Variants in TMC5 observed in about 807,000 individuals in gnomAD.
TMC5 encodes transmembrane channel-like protein 5.
In TMC5, 86 loss-of-function variants were observed where a neutral mutation model predicts 110.5. The ratio of observed to expected loss-of-function variants is 0.78; its 90% confidence interval spans 0.65 to 0.93. The LOEUF (loss-of-function observed/expected upper bound fraction) is 0.93. Ranked by LOEUF, TMC5 falls within the 40% of genes least tolerant of loss-of-function variation. The probability of loss-of-function intolerance (pLI) is 0.00; values close to 1 mark genes in which losing one functional copy is unlikely to be tolerated. For missense variants in TMC5, 1,144 were observed against 1,222.8 expected (o/e 0.94, Z 0.96); for synonymous variants, 455 against 439.5 (o/e 1.04, Z -0.44).
chr16:19,456,986 A>T, intron 5 of TMC5: 2 of 1,612,278 alleles, frequency 1.2e-6, no homozygotes, highest in Middle Eastern at 1.7e-4. Flanking sequence ...GGGCATAGAC[A>T]CTCCTGGTTC....
At chr16:19,461,459 A>C (rs1391193242) in intron 6 of TMC5, among the ~76,000 whole-genome samples, 1 of 152,130 alleles carries the variant, frequency 6.6e-6, no homozygotes, top group East Asian at 1.9e-4. Context: ...CTGTAATCCC[A>C]GCTACTGGGG....
intron 9 of TMC5, 63 bp downstream of exon 9, chr16:19,466,296 A>G: frequency 6.4e-7 from 1 of 1,570,860 alleles, no homozygotes; most frequent in African/African-American, 1.4e-5. Context: ...AAAATCCAAG[A>G]AATTCAAAAA....
chr16:19,425,935 C>T (rs1967080820), intron 1 of TMC5, among the ~76,000 whole-genome samples: 1 of 152,224 alleles, frequency 6.6e-6, no homozygotes, highest in South Asian at 2.1e-4. Context: ...AATCCACCCG[C>T]CTTGGCCTCC....
chr16:19,474,366 G>GT lies in TMC5; in HGVS notation c.2090+96dup, dbSNP rs375239520. The GT allele has an allele frequency of 2.8e-6, 4 of 1,438,502 alleles. No homozygotes were observed. In the African/African-American group the frequency reaches 4.3e-5, roughly 15 times the overall value. The allele number at this position is 1,438,502 out of a possible 1,614,324, so 89.1% of individuals were successfully genotyped here. On this transcript the variant is annotated intron_variant, in intron 12 of 21. Transcript: ENST00000542583. ...GAAAGGATTATGCTTTAGTATCAAA[G>GT]TTTTTTCTCCAGAGAGGAAGAATTT...
chr16:19,495,033 G>C (rs1190470547), intron 20 of TMC5, among the ~76,000 whole-genome samples: 32 of 3,440 alleles, frequency 9.3e-3, no homozygotes, highest in East Asian at 0.023. Flanking sequence ...TTTTTTTTTT[G>C]AGACGGAGTC....
chr16:19,494,164 T>A, intron 19 of TMC5, 98 bp from the exon 20 acceptor site: 1 of 954,106 alleles, frequency 1.0e-6, no homozygotes, highest in Non-Finnish European at 1.6e-6. Context: ...CCTAGCTGCC[T>A]GAAAACCGAC....
intron 5 of TMC5, chr16:19,457,075 C>A: frequency 7.0e-7 from 1 of 1,431,438 alleles, no homozygotes. Flanking sequence ...CCTCGTTGTC[C>A]ACAGCATATT....
intron 5 of TMC5, among the ~76,000 whole-genome samples, chr16:19,450,757 T>A (rs1967730278): frequency 6.6e-6 from 1 of 152,202 alleles, no homozygotes; most frequent in Non-Finnish European, 1.5e-5. Context: ...GGGACAAGAC[T>A]GGGTCACCTG....
intron 2 of TMC5, among the ~76,000 whole-genome samples, chr16:19,434,333 ATAAT>A (rs901509449): frequency 2.4e-5 from 3 of 124,546 alleles, no homozygotes; most frequent in African/African-American, 9.1e-5. Flanking sequence ...AGATCTATAT[ATAAT>A]ATATATTATA....
chr16:19,469,098 C>A (rs1968258856), intron 9 of TMC5, among the ~76,000 whole-genome samples: 2 of 152,154 alleles, frequency 1.3e-5, no homozygotes, highest in South Asian at 4.1e-4. Context: ...AGTTGGTGGT[C>A]ATTTGCTATA....
At chr16:19,434,005 A>G (rs1322428901) in intron 2 of TMC5, among the ~76,000 whole-genome samples, 1 of 83,606 alleles carries the variant, frequency 1.2e-5, no homozygotes, top group Non-Finnish European at 2.2e-5. Context: ...TATATATATT[A>G]TATATATAAT....
chr16:19,467,309 T>C (rs898022779), intron 9 of TMC5, among the ~76,000 whole-genome samples: 1 of 152,082 alleles, frequency 6.6e-6, no homozygotes, highest in African/African-American at 2.4e-5. Flanking sequence ...CAGGCTTGGT[T>C]TCCTCTGAGG....
intron 9 of TMC5, among the ~76,000 whole-genome samples, chr16:19,466,777 T>G (rs1429228867): frequency 6.6e-6 from 1 of 152,110 alleles, no homozygotes; most frequent in Non-Finnish European, 1.5e-5. Flanking sequence ...ATAATAAGGG[T>G]GCAGTTACCC....
intron 8 of TMC5, 83 bp from the exon 9 acceptor site, chr16:19,465,999 G>A: frequency 6.9e-7 from 1 of 1,450,974 alleles, no homozygotes; most frequent in Non-Finnish European, 9.4e-7. Context: ...CTTGTATTCA[G>A]GAGAGGTCAA....
At chr16:19,458,010 A>C (rs1044909226) in intron 5 of TMC5, among the ~76,000 whole-genome samples, 6 of 150,920 alleles carry the variant, frequency 4.0e-5, no homozygotes, top group Non-Finnish European at 7.4e-5. Flanking sequence ...TTACGGGTGT[A>C]AGCCACCACA....
intron 6 of TMC5, among the ~76,000 whole-genome samples, chr16:19,461,172 A>T (rs1242939161): frequency 6.6e-6 from 1 of 152,196 alleles, no homozygotes; most frequent in Non-Finnish European, 1.5e-5. Context: ...CTACCATGGA[A>T]ATGTAAAATA....
intron 5 of TMC5, among the ~76,000 whole-genome samples, chr16:19,452,877 T>C (rs1967781358): frequency 6.6e-6 from 1 of 151,716 alleles, no homozygotes; most frequent in Non-Finnish European, 1.5e-5. Context: ...GGGGAGAAAA[T>C]AGAGCAAATG....
chr16:19,463,425 G>A (rs751725501), intron 7 of TMC5, 58 bp downstream of exon 7: 7 of 1,319,812 alleles, frequency 5.3e-6, no homozygotes, highest in Non-Finnish European at 7.7e-6. Flanking sequence ...GGAGAGTGAG[G>A]ATGAAAGGGG....
chr16:19,431,810 G>A (rs1443399602), intron 2 of TMC5, among the ~76,000 whole-genome samples: 3 of 152,136 alleles, frequency 2.0e-5, no homozygotes, highest in African/African-American at 7.2e-5. Context: ...TTAAAGATAA[G>A]AATCACAGCT....
Sources: allele counts gnomAD v4.1 joint callset (sites outside exome capture counted in the v4.1 genomes callset), GRCh38; gene constraint gnomAD v4.1.1; transcripts MANE v1.5; gene names NCBI Gene and HGNC (gene_info 2026-07-23, HGNC 2026-07-21).